Variants in PCDHA5 observed in about 807,000 individuals in gnomAD.
PCDHA5 encodes the protein protocadherin alpha-5.
Under a neutral mutation model 61.6 loss-of-function variants are expected in PCDHA5, and 43 were observed. The observed-to-expected ratio is 0.70, with a 90% CI of 0.55 to 0.90. PCDHA5 has a LOEUF of 0.90. Ranked by LOEUF, PCDHA5 falls within the 40% of genes least tolerant of loss-of-function variation. The pLI is 0.00. For missense variants in PCDHA5, 1,298 were observed against 1,222.7 expected (o/e 1.06, Z -0.92); for synonymous variants, 627 against 543.9 (o/e 1.15, Z -2.13).
Position 140,822,799 on chromosome 5 carries a change from G to T in PCDHA5, c.1024G>T (p.Val342Leu). 6.2e-7 allele frequency: 1 copy of T among 1,614,160 alleles called. No individual in the cohort carries two copies. Among genetic ancestry groups the T allele is most frequent in the East Asian group, 2.2e-5 (1 of 44,888 alleles). Reference protein sequence around the residue: ...HCKVVVKLLDVNDNTPEMAIT... With the variant: ...HCKVVVKLLDLNDNTPEMAIT... The stretch of plus-strand genomic sequence containing the variant: ...TAAAGTAGTAGTGAAACTCCTGGAT[G>T]TGAATGATAATACCCCAGAGATGGC... Residue 342 changes from valine (V) to leucine (L), a missense_variant, in exon 1 of 4, where the codon GTG (valine) becomes TTG (leucine). Val to Leu is a conservative substitution (Grantham distance 32). Coordinates refer to ENST00000529859, the MANE Select transcript of PCDHA5 (RefSeq NM_018908.3).
At chr5:140,849,675 C>A (rs2150444772) in intron 1 of PCDHA5, 1 of 1,598,600 alleles carries the variant, frequency 6.3e-7, no homozygotes. Context: ...GCCCCACGTC[C>A]CCTTCAAGCT....
rs764735564 is a variant in PCDHA5, at chr5:140,871,304, G to A, written c.2352+47177G>A. On this transcript the variant is annotated intron_variant, in intron 1 of 3. Transcript: ENST00000529859. ...CCCACTGAGGGCGCGTGCGCGCCGG[G>A]GAAGCCCACGCTGGTGTGCTCCCGC... 4.3e-6 allele frequency: 7 copies of A among 1,613,850 alleles called. No individual in the cohort carries two copies. In the East Asian group the frequency reaches 1.3e-4, roughly 31 times the overall value.
intron 1 of PCDHA5, chr5:140,835,504 T>C: frequency 1.2e-6 from 2 of 1,613,936 alleles, no homozygotes; most frequent in Non-Finnish European, 1.7e-6. Flanking sequence ...TTGATTAGCG[T>C]GTTTGACCGA....
At chr5:140,967,128 T>G in intron 1 of PCDHA5, 14 of 1,612,170 alleles carry the variant, frequency 8.7e-6, no homozygotes, top group Non-Finnish European at 1.1e-5. Flanking sequence ...CTGCTCAGCT[T>G]GGAAGTGCTG....
chr5:140,952,832 G>A (rs560488815), intron 1 of PCDHA5, among the ~76,000 whole-genome samples: 1 of 152,226 alleles, frequency 6.6e-6, no homozygotes, highest in African/African-American at 2.4e-5. Context: ...GCATGATGCT[G>A]GCCATCTGCT....
chr5:140,834,491 C>G (rs2150219703), intron 1 of PCDHA5: 164 of 1,614,076 alleles, frequency 1.0e-4, no homozygotes, highest in Non-Finnish European at 1.3e-4. Flanking sequence ...ACTCGGTCCC[C>G]GAGGAGGCTA....
chr5:140,858,218 G>A, intron 1 of PCDHA5: 1 of 1,596,494 alleles, frequency 6.3e-7, no homozygotes. Context: ...GTGCTCGGCG[G>A]CGCCCACCGA....
intron 1 of PCDHA5, among the ~76,000 whole-genome samples, chr5:140,938,308 T>C (rs1468853140): frequency 6.6e-6 from 1 of 152,212 alleles, no homozygotes; most frequent in Admixed American, 6.5e-5. Context: ...AAATTCAGTA[T>C]AAAATTGAAT....
In PCDHA5 at chr5:140,823,634, C is replaced by G. The variant is rs2150127652; in HGVS notation, c.1859C>G (p.Pro620Arg). Residue 620 changes from proline (P) to arginine (R), a missense_variant, in exon 1 of 4, where the codon CCG (proline) becomes CGG (arginine). Physicochemically the swap from Pro to Arg is moderately radical, Grantham distance 103. Transcript: ENST00000529859. The stretch of plus-strand genomic sequence containing the variant: ...CCAGCGCCTGGCAGTGCGCGCATCC[C>G]GTTCCGCGTGGGGCTGTACACAGGC... ...LQPAPGSARI[P>R]FRVGLYTGEI... 6.2e-6 allele frequency: 10 copies of G among 1,613,940 alleles called. No homozygotes were observed. Among genetic ancestry groups the G allele is most frequent in the Admixed American group, 1.7e-5 (1 of 60,012 alleles).
Position 140,823,324 on chromosome 5 carries a change from T to C in PCDHA5, c.1549T>C (p.Tyr517His), listed in dbSNP as rs2150124728. Reference sequence around the variant, plus strand: ...GGTGCACGCGGAGAGCGGCAAGGTGTACGCGCTGCAGCCGCTGGACCACGA... The same window carrying C: ...GGTGCACGCGGAGAGCGGCAAGGTGCACGCGCTGCAGCCGCTGGACCACGA... ...VSVHAESGKV[Y>H]ALQPLDHEEV... Residue 517 changes from tyrosine to histidine, a missense_variant, in exon 1 of 4, where the codon TAC (tyrosine) becomes CAC (histidine). By Grantham distance (83) the Tyr-to-His change is moderately conservative. Coordinates refer to ENST00000529859, the MANE Select transcript of PCDHA5 (RefSeq NM_018908.3). 8 of 1,611,998 alleles carry C rather than the reference T, an allele frequency of 5.0e-6. No individual in the cohort carries two copies. The African/African-American group carries it at 9.3e-5, about 19-fold the overall frequency.
chr5:140,881,555 A>G (rs2058748140), intron 1 of PCDHA5, among the ~76,000 whole-genome samples: 2 of 152,236 alleles, frequency 1.3e-5, no homozygotes, highest in South Asian at 2.1e-4. Context: ...TTGAATATAA[A>G]TATCTTATCT....
chr5:140,916,956 C>T (rs1554197714), intron 1 of PCDHA5, among the ~76,000 whole-genome samples: 1 of 152,220 alleles, frequency 6.6e-6, no homozygotes, highest in Non-Finnish European at 1.5e-5. Flanking sequence ...TTGCTGAGTT[C>T]TGACTGCTGG....
chr5:140,922,085 AT>A (rs1453055437), intron 1 of PCDHA5, among the ~76,000 whole-genome samples: 1 of 152,194 alleles, frequency 6.6e-6, no homozygotes, highest in Non-Finnish European at 1.5e-5. Context: ...AAAAAGTGGT[AT>A]TTCTACCAAC....
At chr5:140,893,634 T>C (rs2064095604) in intron 1 of PCDHA5, among the ~76,000 whole-genome samples, 1 of 152,236 alleles carries the variant, frequency 6.6e-6, no homozygotes, top group Admixed American at 6.5e-5. Flanking sequence ...CTGCTTGGTA[T>C]AGTATTTTTG....
intron 1 of PCDHA5, chr5:140,863,488 A>C (rs1554158271): frequency 4.4e-6 from 2 of 451,898 alleles, no homozygotes; most frequent in African/African-American, 2.0e-5. Flanking sequence ...CCCAAGGTCA[A>C]CATTACGGCT....
In PCDHA5 at chr5:140,966,763, G is replaced by A. The variant is rs1020607410; in HGVS notation, c.2353-12186G>A. 2.7e-6 allele frequency: 4 copies of A among 1,470,486 alleles called. No homozygotes were observed. The South Asian group carries it at 5.5e-5, about 20-fold the overall frequency. 91.1% of individuals were successfully genotyped at this position (1,470,486 alleles called of 1,614,324 possible). A position where few individuals can be genotyped will look rare whatever the true frequency, so the allele number is the denominator to read the frequency against. Reference sequence around the variant, plus strand: ...CCCGGCTGCCTCCGCCGCGGCCAGTGGCTATGGAGCAGGCGGGCACCAGAC... The same window carrying A: ...CCCGGCTGCCTCCGCCGCGGCCAGTAGCTATGGAGCAGGCGGGCACCAGAC... On this transcript the variant is annotated intron_variant, in intron 1 of 3. Transcript: ENST00000529859.
rs2150364461 is a variant in PCDHA5, at chr5:140,843,643, C to T, written c.2352+19516C>T. 81 of 1,595,634 alleles carry T rather than the reference C, an allele frequency of 5.1e-5. 5 individuals are homozygous for T. In the South Asian group the frequency reaches 8.1e-4, roughly 16 times the overall value. On this transcript the variant is annotated intron_variant, in intron 1 of 3. Transcript: ENST00000529859. ...AGACGGACCTCATGGCCTTCAGCCC[C>T]TGCCTTCCTCCTGATCTGGGATCAG...
intron 2 of PCDHA5, among the ~76,000 whole-genome samples, chr5:140,980,990 G>T (rs1344931215): frequency 6.6e-6 from 1 of 152,116 alleles, no homozygotes. Flanking sequence ...CACACAATTT[G>T]CTAGTAGGAT....
chr5:140,918,833 G>A (rs2078883719), intron 1 of PCDHA5, among the ~76,000 whole-genome samples: 1 of 152,084 alleles, frequency 6.6e-6, no homozygotes, highest in African/African-American at 2.4e-5. Context: ...CCCCTCCCCA[G>A]ACACTAAATC....
Sources: gnomAD v4.1 joint callset for allele counts (sites outside exome capture counted in the v4.1 genomes callset) on GRCh38, gnomAD v4.1.1 for gene constraint, MANE v1.5 for transcripts, NCBI Gene and HGNC (gene_info 2026-07-23, HGNC 2026-07-21) for gene names.